LRP1B: variants seen among roughly 807,000 people sequenced by gnomAD.
LRP1B encodes the protein LDL receptor related protein 1B.
In LRP1B, 217 loss-of-function variants were observed where a neutral mutation model predicts 556.6. The ratio of observed to expected loss-of-function variants is 0.39; its 90% CI spans 0.35 to 0.44. The LOEUF is 0.44. Among genes scored for constraint, LRP1B ranks in the 20% least tolerant of loss-of-function variants. The pLI, the probability that LRP1B is intolerant of heterozygous loss-of-function variation, is 1.00. For synonymous variants in LRP1B, 2,047 were observed against 1,865.8 expected, an observed-to-expected ratio of 1.10 and a Z score of -2.50; for missense variants, 5,053 against 5,620.8, an observed-to-expected ratio of 0.90 and a Z score of 3.23.
intron 23 of LRP1B, 21 bp downstream of exon 23, chr2:140,902,899 A>C (rs762468231): frequency 2.5e-6 from 4 of 1,607,742 alleles, no homozygotes; most frequent in Non-Finnish European, 3.4e-6. Flanking sequence ...ATATAGCAAC[A>C]CACACAAAAT....
intron 11 of LRP1B, among the ~76,000 whole-genome samples, chr2:141,047,638 A>AT (rs964559808): frequency 1.3e-4 from 20 of 151,888 alleles, no homozygotes; most frequent in Middle Eastern, 3.4e-3. Context: ...TTCCTTTGGG[A>AT]TTTTTTCCAA....
intron 5 of LRP1B, among the ~76,000 whole-genome samples, chr2:141,243,745 G>A (rs1381569526): frequency 6.6e-6 from 1 of 152,106 alleles, no homozygotes; most frequent in Non-Finnish European, 1.5e-5. Context: ...TCCCAACTCT[G>A]AAACAATGTA....
intron 2 of LRP1B, among the ~76,000 whole-genome samples, chr2:141,739,004 G>GTT (rs1558840465): frequency 3.3e-5 from 5 of 151,944 alleles, no homozygotes. Flanking sequence ...CAACACTAAC[G>GTT]TATGTACACT....
At chr2:142,116,318 C>A (rs1707275344) in intron 1 of LRP1B, among the ~76,000 whole-genome samples, 1 of 151,366 alleles carries the variant, frequency 6.6e-6, no homozygotes, top group African/African-American at 2.4e-5. Context: ...TAGGGCACAT[C>A]TCTTTGTGAC....
At chr2:142,035,337 G>T (rs1703841304) in intron 1 of LRP1B, among the ~76,000 whole-genome samples, 1 of 151,648 alleles carries the variant, frequency 6.6e-6, no homozygotes, top group South Asian at 2.1e-4. Context: ...CCTAGCACAG[G>T]TGGTTCTCAA....
intron 77 of LRP1B, among the ~76,000 whole-genome samples, chr2:140,340,056 T>A (rs891932145): frequency 2.6e-5 from 4 of 151,566 alleles, no homozygotes; most frequent in Non-Finnish European, 5.9e-5. Context: ...AAAGACTCAA[T>A]AATATATGTG....
intron 86 of LRP1B, among the ~76,000 whole-genome samples, chr2:140,253,365 TAATG>T (rs985939141): frequency 1.3e-5 from 2 of 152,018 alleles, no homozygotes; most frequent in Admixed American, 6.6e-5. Flanking sequence ...CGGTAAAAAT[TAATG>T]AGAAGTTTCT....
At chr2:140,933,073 G>A (rs1044845608) in intron 20 of LRP1B, among the ~76,000 whole-genome samples, 8 of 150,148 alleles carry the variant, frequency 5.3e-5, no homozygotes, top group Admixed American at 3.3e-4. Flanking sequence ...TCATAAAAAG[G>A]TTTTGGATGT....
At chr2:141,119,366 G>C (rs1558873447) in intron 7 of LRP1B, among the ~76,000 whole-genome samples, 1 of 151,814 alleles carries the variant, frequency 6.6e-6, no homozygotes, top group Non-Finnish European at 1.5e-5. Flanking sequence ...ATTTTATTTA[G>C]GGGTCTCTAT....
intron 1 of LRP1B, among the ~76,000 whole-genome samples, chr2:141,884,161 G>A (rs987787472): frequency 2.3e-4 from 35 of 152,082 alleles, no homozygotes; most frequent in Admixed American, 2.1e-3. Flanking sequence ...GATCCCTTGA[G>A]GCCAGGGGTT....
chr2:140,945,792 T>C (rs1050068213), intron 20 of LRP1B, among the ~76,000 whole-genome samples: 1 of 152,158 alleles, frequency 6.6e-6, no homozygotes, highest in Non-Finnish European at 1.5e-5. Context: ...CTTCTAGATA[T>C]TGGCATAGGC....
intron 63 of LRP1B, among the ~76,000 whole-genome samples, chr2:140,449,822 GGC>G (rs1686813200): frequency 6.6e-6 from 1 of 152,144 alleles, no homozygotes; most frequent in African/African-American, 2.4e-5. Context: ...GCCAAATTAT[GGC>G]AACCATGTAC....
intron 41 of LRP1B, among the ~76,000 whole-genome samples, chr2:140,621,570 A>G (rs1468792597): frequency 3.9e-5 from 6 of 152,140 alleles, no homozygotes; most frequent in African/African-American, 1.4e-4. Context: ...GCAACAGTTT[A>G]TGATTTTCAA....
At chr2:140,261,776 G>A (rs558140469) in intron 86 of LRP1B, among the ~76,000 whole-genome samples, 21 of 151,920 alleles carry the variant, frequency 1.4e-4, no homozygotes, top group African/African-American at 5.1e-4. Flanking sequence ...ATCTGCAAAA[G>A]TATATTTACA....
chr2:141,367,989 C>T (rs1689106645), intron 3 of LRP1B, among the ~76,000 whole-genome samples: 1 of 152,064 alleles, frequency 6.6e-6, no homozygotes, highest in Admixed American at 6.5e-5. Context: ...TACAATACAG[C>T]TAATCTAAAA....
intron 2 of LRP1B, among the ~76,000 whole-genome samples, chr2:141,563,704 C>A (rs961762665): frequency 6.6e-6 from 1 of 152,120 alleles, no homozygotes; most frequent in African/African-American, 2.4e-5. Context: ...TAAGAAAGAA[C>A]GAGATCATGT....
intron 2 of LRP1B, among the ~76,000 whole-genome samples, chr2:141,671,970 AAC>A (rs1690688274): frequency 6.6e-6 from 1 of 152,042 alleles, no homozygotes; most frequent in Admixed American, 6.6e-5. Context: ...GTCTCCACAA[AAC>A]ACTCTCTATA....
At chr2:141,775,392 G>T (rs948804148) in intron 2 of LRP1B, among the ~76,000 whole-genome samples, 7 of 152,092 alleles carry the variant, frequency 4.6e-5, no homozygotes, top group African/African-American at 1.7e-4. Context: ...ATATATGTGT[G>T]GTTCTTTGAA....
chr2:142,117,427 C>A (rs982344132), intron 1 of LRP1B, among the ~76,000 whole-genome samples: 2 of 152,092 alleles, frequency 1.3e-5, no homozygotes, highest in African/African-American at 4.8e-5. Flanking sequence ...GCTCGGCTCT[C>A]TAGGGCCATC....
Sources: allele counts gnomAD v4.1 joint callset (sites outside exome capture counted in the v4.1 genomes callset), GRCh38; gene constraint gnomAD v4.1.1; transcripts MANE v1.5; gene names NCBI Gene and HGNC (gene_info 2026-07-23, HGNC 2026-07-21).